The following UGGT2 variants were observed in gnomAD, a reference collection of about 807,000 sequenced individuals.
The protein encoded by UGGT2 is UDP-glucose glycoprotein glucosyltransferase 2.
In UGGT2, 180 loss-of-function variants were observed where a neutral mutation model predicts 192.1. That is an observed-to-expected ratio of 0.94 (90% CI 0.83 to 1.06). The LOEUF is 1.06. Among genes scored for constraint, UGGT2 ranks in the 50% least tolerant of loss-of-function variants. UGGT2 has a pLI of 0.00. For synonymous variants in UGGT2, 580 were observed against 591.0 expected, an observed-to-expected ratio of 0.98 and a Z score of 0.27; for missense variants, 1,849 against 1,795.7, an observed-to-expected ratio of 1.03 and a Z score of -0.54.
chr13:96,031,262 A>G (rs2052825970), intron 2 of UGGT2, among the ~76,000 whole-genome samples: 1 of 152,202 alleles, frequency 6.6e-6, no homozygotes, highest in Non-Finnish European at 1.5e-5. Context: ...CTATTACTAG[A>G]TGCAAAATTA....
At chr13:95,989,875 T>G in intron 8 of UGGT2, 98 bp downstream of exon 8, 1 of 726,994 alleles carries the variant, frequency 1.4e-6, no homozygotes, top group Non-Finnish European at 2.2e-6. Flanking sequence ...ATTAATACTG[T>G]CCATAAAATA....
At chr13:95,968,711 G>T (rs72632671) in intron 12 of UGGT2, among the ~76,000 whole-genome samples, 6,582 of 152,186 alleles carry the variant, frequency 0.043, 258 homozygotes, top group East Asian at 0.19. Flanking sequence ...CTGCAGAACT[G>T]TAAGTCAAGT....
intron 37 of UGGT2, among the ~76,000 whole-genome samples, chr13:95,835,562 T>C (rs73556770): frequency 0.039 from 5,940 of 152,322 alleles, 385 homozygotes; most frequent in African/African-American, 0.14. Context: ...TGGCATGCTA[T>C]TTTTAAAATA....
intron 8 of UGGT2, among the ~76,000 whole-genome samples, chr13:95,989,313 CTTA>C (rs1478900855): frequency 1.1e-4 from 16 of 151,756 alleles, no homozygotes; most frequent in Non-Finnish European, 1.9e-4. Flanking sequence ...AACAAAAGAG[CTTA>C]TTAAGCTGTT....
At chr13:95,845,620 T>C (rs889993808) in intron 36 of UGGT2, among the ~76,000 whole-genome samples, 9 of 151,792 alleles carry the variant, frequency 5.9e-5, no homozygotes, top group African/African-American at 1.9e-4. Flanking sequence ...TCCCCACATT[T>C]CCCCCTTTTC....
intron 13 of UGGT2, among the ~76,000 whole-genome samples, chr13:95,949,015 G>A (rs1291441874): frequency 6.6e-6 from 1 of 152,186 alleles, no homozygotes; most frequent in East Asian, 1.9e-4. Flanking sequence ...ACTATGTGAA[G>A]AAGCACGTTT....
intron 8 of UGGT2, among the ~76,000 whole-genome samples, chr13:95,989,295 G>A (rs756248846): frequency 1.4e-4 from 22 of 151,958 alleles, no homozygotes; most frequent in Non-Finnish European, 2.5e-4. Context: ...AGATATAAAA[G>A]CTTATTTAAC....
chr13:95,949,846 G>C (rs576969065), intron 12 of UGGT2, among the ~76,000 whole-genome samples: 1 of 152,168 alleles, frequency 6.6e-6, no homozygotes, highest in East Asian at 1.9e-4. Context: ...AAATAAAATG[G>C]CTTATAAAAA....
At chr13:95,983,182 T>A (rs768423821) in intron 10 of UGGT2, among the ~76,000 whole-genome samples, 1 of 152,212 alleles carries the variant, frequency 6.6e-6, no homozygotes, top group Non-Finnish European at 1.5e-5. Context: ...AGGATAAATG[T>A]GGTTGGTACC....
intron 26 of UGGT2, among the ~76,000 whole-genome samples, chr13:95,884,972 ATC>A (rs1222406947): frequency 2.6e-5 from 4 of 152,210 alleles, no homozygotes; most frequent in Middle Eastern, 3.4e-3. Context: ...GGAGTTTATG[ATC>A]TGTTATTGTA....
At chr13:95,877,424 C>T (rs1594212318) in intron 28 of UGGT2, 60 bp from the exon 29 acceptor site, 3 of 1,313,364 alleles carry the variant, frequency 2.3e-6, no homozygotes, top group Non-Finnish European at 3.2e-6. Flanking sequence ...TCGAATTGCT[C>T]ATGAATACAC....
rs1230851310 is a variant in UGGT2 at position 95,997,329 on chromosome 13, C to A, written c.758-1194G>T. On this transcript the variant is annotated intron_variant, in intron 6 of 38. Transcript: ENST00000376747. ...TCTAACAGAGCAGCAAGATAGGCAG[C>A]CATCTCAGAGGCACAGACTGATATA... 2.0e-5 allele frequency among the ~76,000 whole-genome samples: 3 copies of A among 152,018 alleles called. No individual in the cohort carries two copies. In the East Asian group the frequency reaches 5.8e-4, roughly 29 times the overall value.
chr13:95,855,547 G>C (rs542219111), intron 34 of UGGT2, among the ~76,000 whole-genome samples: 23 of 145,770 alleles, frequency 1.6e-4, no homozygotes, highest in African/African-American at 4.8e-4. Context: ...TTTAGAGATA[G>C]GGTCTCACTC....
chr13:95,958,380 C>T (rs972888648), intron 12 of UGGT2, among the ~76,000 whole-genome samples: 33 of 152,034 alleles, frequency 2.2e-4, no homozygotes, highest in Admixed American at 5.2e-4. Flanking sequence ...CTCCATCTCT[C>T]GACCTCATGA....
intron 13 of UGGT2, among the ~76,000 whole-genome samples, 171 bp downstream of exon 13, chr13:95,949,164 G>C (rs2140611174): frequency 6.6e-6 from 1 of 152,268 alleles, no homozygotes; most frequent in South Asian, 2.1e-4. Flanking sequence ...CTAATACAGT[G>C]ACATGGCTAG....
chr13:95,988,592 A>G (rs1452285902), intron 8 of UGGT2, among the ~76,000 whole-genome samples: 1 of 152,138 alleles, frequency 6.6e-6, no homozygotes, highest in Non-Finnish European at 1.5e-5. Context: ...CTATCATAAC[A>G]ATGGCCTTGA....
At chr13:95,823,351 G>A (rs557524435) in intron 38 of UGGT2, among the ~76,000 whole-genome samples, 1 of 152,150 alleles carries the variant, frequency 6.6e-6, no homozygotes, top group East Asian at 1.9e-4. Context: ...TCTATTTAGT[G>A]CTGTCAGTGG....
chr13:95,890,985 AT>A, intron 24 of UGGT2, 21 bp from the exon 25 acceptor site: 1 of 1,535,648 alleles, frequency 6.5e-7, no homozygotes, highest in Non-Finnish European at 9.0e-7. Flanking sequence ...AGAAAATAAG[AT>A]GAAAGATGAC....
At chr13:95,964,066 T>C (rs1380222866) in intron 12 of UGGT2, among the ~76,000 whole-genome samples, 1 of 152,128 alleles carries the variant, frequency 6.6e-6, no homozygotes, top group African/African-American at 2.4e-5. Flanking sequence ...ACCACCTGAT[T>C]TGAAAATATA....
Sources: gnomAD v4.1 joint callset for allele counts (sites outside exome capture counted in the v4.1 genomes callset) on GRCh38, gnomAD v4.1.1 for gene constraint, MANE v1.5 for transcripts, NCBI Gene and HGNC (gene_info 2026-07-23, HGNC 2026-07-21) for gene names.